Variants in SEMA4D observed in about 807,000 individuals in gnomAD.
SEMA4D encodes semaphorin 4D.
SEMA4D carries 22 observed loss-of-function variants against 74.8 expected under a neutral mutation model. The observed-to-expected ratio is 0.29, with a 90% confidence interval of 0.21 to 0.42. The LOEUF (loss-of-function observed/expected upper bound fraction) is 0.42. SEMA4D is among the 10% of genes least tolerant of loss of function. The probability of loss-of-function intolerance (pLI) is 1.00; values close to 1 mark genes in which losing one functional copy is unlikely to be tolerated. For synonymous variants in SEMA4D, 445 were observed against 463.7 expected, an observed-to-expected ratio of 0.96 and a Z score of 0.52; for missense variants, 937 against 1,118.4, an observed-to-expected ratio of 0.84 and a Z score of 2.31.
rs371758785 is a variant in SEMA4D, at chr9:89,435,826, CTG to C, written c.-244+20060_-244+20061del. On this transcript the variant is annotated intron_variant, in intron 2 of 15. Transcript: ENST00000422704. ...CATGTCCGGCCTTTCCTTACAAAGG[CTG>C]TGCAAAACAGAGAAACTTCGAGATA... Among the ~76,000 whole-genome samples the C allele has an allele frequency of 7.2e-5, 11 of 152,328 alleles. No homozygotes were observed. The East Asian group carries it at 1.2e-3, about 16-fold the overall frequency.
downstream of SEMA4D, among the ~76,000 whole-genome samples, chr9:89,372,342 G>T (rs957134195): frequency 3.1e-5 from 4 of 128,040 alleles, no homozygotes; most frequent in African/African-American, 1.2e-4. Flanking sequence ...GTGTGTGGGG[G>T]GGTGTGGTGT....
At chr9:89,453,919 G>A (rs1402652268) in intron 2 of SEMA4D, among the ~76,000 whole-genome samples, 1 of 147,616 alleles carries the variant, frequency 6.8e-6, no homozygotes, top group African/African-American at 2.5e-5. Flanking sequence ...GTGCAGTGGC[G>A]CGATCTTGGC....
chr9:89,457,734 GCAAATAAACAAAAAA>G (rs1434348646), intron 1 of SEMA4D, among the ~76,000 whole-genome samples: 1 of 147,024 alleles, frequency 6.8e-6, no homozygotes, highest in African/African-American at 2.5e-5. Context: ...TCTCAAAAAA[GCAAATAAACAAAAAA>G]CAGGCCAGGC....
intron 1 of SEMA4D, among the ~76,000 whole-genome samples, chr9:89,480,716 G>A (rs1056144805): frequency 6.6e-6 from 1 of 152,200 alleles, no homozygotes; most frequent in Non-Finnish European, 1.5e-5. Flanking sequence ...CTCCGAGTGC[G>A]GGGCCCACCA....
At chr9:89,380,630 C>G (rs1836812692) in intron 15 of SEMA4D, among the ~76,000 whole-genome samples, 1 of 152,212 alleles carries the variant, frequency 6.6e-6, no homozygotes, top group South Asian at 2.1e-4. Flanking sequence ...TGCCACCCCT[C>G]CCTCTGGGTG....
At chr9:89,365,589 T>TG (rs1833515516) in intron 16 of SEMA4D, 4 of 152,322 alleles carry the variant, frequency 2.6e-5, no homozygotes, top group African/African-American at 9.6e-5. Context: ...AAATGAAGTG[T>TG]GGCTTCATGG....
Position 89,427,646 on chromosome 9 carries a change from G to C in SEMA4D, c.-243-21947C>G, listed in dbSNP as rs556301244. 9.2e-5 allele frequency among the ~76,000 whole-genome samples: 14 copies of C among 152,344 alleles called. No homozygotes were observed. The East Asian group carries it at 2.7e-3, about 29-fold the overall frequency. Reference sequence around the variant, plus strand: ...CTCCACCCCCCGGTCAGCAGCACCTGCAAGTGGCATTTAGTGGGGCTGACT... The same window carrying C: ...CTCCACCCCCCGGTCAGCAGCACCTCCAAGTGGCATTTAGTGGGGCTGACT... On this transcript the variant is annotated intron_variant, in intron 2 of 15. Transcript: ENST00000422704.
intron 16 of SEMA4D, among the ~76,000 whole-genome samples, chr9:89,370,608 G>T (rs555821666): frequency 6.6e-6 from 1 of 151,388 alleles, no homozygotes; most frequent in African/African-American, 2.4e-5. Flanking sequence ...TGTGGTATGT[G>T]TGTCTGGGAT....
chr9:89,390,171 C>T (rs184108867), intron 9 of SEMA4D, among the ~76,000 whole-genome samples: 1 of 152,188 alleles, frequency 6.6e-6, no homozygotes, highest in African/African-American at 2.4e-5. Context: ...CTTGGCTTCC[C>T]GATGGCAGGG....
At chr9:89,366,594 C>T (rs570779239) in intron 16 of SEMA4D, among the ~76,000 whole-genome samples, 9 of 152,268 alleles carry the variant, frequency 5.9e-5, no homozygotes, top group East Asian at 1.9e-4. Context: ...CAGATAATTC[C>T]ATGTATCTAT....
chr9:89,491,373 C>T (rs1417261862), intron 1 of SEMA4D, among the ~76,000 whole-genome samples: 1 of 152,184 alleles, frequency 6.6e-6, no homozygotes, highest in Admixed American at 6.5e-5. Flanking sequence ...AGATCGAGAC[C>T]ATCCTGGCCA....
At chr9:89,495,325 A>C (rs1825924241) in intron 1 of SEMA4D, among the ~76,000 whole-genome samples, 1 of 152,150 alleles carries the variant, frequency 6.6e-6, no homozygotes, top group Admixed American at 6.5e-5. Context: ...TATCCCAAGG[A>C]TCGCCTTAAC....
rs936038447 is a variant in SEMA4D, at chr9:89,381,619, C to T, written c.1447-273G>A. The T allele has an allele frequency of 2.0e-5, 7 of 351,066 alleles. No individual in the cohort carries two copies. The highest frequency in any genetic ancestry group is 3.6e-5 in the Non-Finnish European group (7 of 193,164). 21.7% of individuals were successfully genotyped at this position (351,066 alleles called of 1,614,324 possible). ...CACAGGTGCCTGCCCTCCAGCAAAG[C>T]GCTTCTCTGCACGTGTTTCTCTTAG... On this transcript the variant is annotated intron_variant, in intron 13 of 15. Transcript: ENST00000422704. The surrounding 1 kb of genome is among the most constrained non-coding windows in gnomAD (Gnocchi z 4.6).
chr9:89,384,015 GCTGT>G (rs1837822147), intron 13 of SEMA4D, among the ~76,000 whole-genome samples: 1 of 152,226 alleles, frequency 6.6e-6, no homozygotes, highest in Non-Finnish European at 1.5e-5. Flanking sequence ...AGGCAACTGA[GCTGT>G]CTAAGTGCCT....
intron 2 of SEMA4D, among the ~76,000 whole-genome samples, chr9:89,451,557 A>C (rs1281492750): frequency 6.6e-6 from 1 of 152,196 alleles, no homozygotes; most frequent in Non-Finnish European, 1.5e-5. Flanking sequence ...AAAAACGAAG[A>C]ACCAGAGGAG....
At chr9:89,426,720 G>A (rs1284964485) in intron 2 of SEMA4D, among the ~76,000 whole-genome samples, 1 of 152,142 alleles carries the variant, frequency 6.6e-6, no homozygotes, top group Non-Finnish European at 1.5e-5. Context: ...GAGGCCACAA[G>A]AACCTCCCTC....
intron 2 of SEMA4D, among the ~76,000 whole-genome samples, chr9:89,426,137 G>A (rs769251983): frequency 5.3e-5 from 8 of 152,186 alleles, no homozygotes; most frequent in African/African-American, 9.7e-5. Flanking sequence ...CCTCCAGGCC[G>A]GGATCCTCCT....
chr9:89,418,159 A>C (rs1050226288), intron 2 of SEMA4D: 2 of 933,370 alleles, frequency 2.1e-6, no homozygotes, highest in Admixed American at 6.2e-5. Context: ...AAGCCCTTAA[A>C]CTGTGCATCC....
chr9:89,394,174 C>T (rs573135888), intron 6 of SEMA4D, among the ~76,000 whole-genome samples: 8 of 152,272 alleles, frequency 5.3e-5, no homozygotes, highest in East Asian at 1.9e-4. Flanking sequence ...AAAACAGAAC[C>T]GCACTGTACT....
Sources: allele counts gnomAD v4.1 joint callset (sites outside exome capture counted in the v4.1 genomes callset), GRCh38; gene constraint gnomAD v4.1.1; non-coding constraint Gnocchi (gnomAD v3.1); transcripts MANE v1.5; gene names NCBI Gene and HGNC (gene_info 2026-07-23, HGNC 2026-07-21).